The following MTF1 variants were observed in gnomAD, a reference collection of about 807,000 sequenced individuals.
MTF1 encodes the protein MRE-binding transcription factor.
Under a neutral mutation model 70.4 loss-of-function variants are expected in MTF1, and 22 were observed. That is an observed-to-expected ratio of 0.31 (90% CI 0.22 to 0.45). MTF1 has a LOEUF of 0.45. MTF1 is among the 20% of genes least tolerant of loss of function. The probability of loss-of-function intolerance (pLI) is 1.00; values close to 1 mark genes in which losing one functional copy is unlikely to be tolerated. For synonymous variants in MTF1, 333 were observed against 352.8 expected (o/e 0.94, Z 0.63); for missense variants, 649 against 922.0 (o/e 0.70, Z 3.83).
chr1:37,826,117 G>A (rs943826900), intron 7 of MTF1, among the ~76,000 whole-genome samples: 3 of 152,150 alleles, frequency 2.0e-5, no homozygotes, highest in Non-Finnish European at 4.4e-5. Context: ...TTGCCCTAGT[G>A]CCAACATACG....
At chr1:37,842,581 C>G (rs1168015661) in intron 2 of MTF1, among the ~76,000 whole-genome samples, 2 of 152,206 alleles carry the variant, frequency 1.3e-5, no homozygotes, top group African/African-American at 4.8e-5. Flanking sequence ...ATACTTCTTT[C>G]CCTTAACCTC....
Position 37,812,463 on chromosome 1 carries a change from C to T in MTF1, c.*2673G>A, listed in dbSNP as rs1640751971. ...GATAGTCTCTCTTGTAATCTAGAGT[C>T]ACCCTCAAAAGGCAGATACTTCAGC... On this transcript the variant is annotated 3_prime_UTR_variant, in exon 11 of 11. Coordinates refer to ENST00000373036, the MANE Select transcript of MTF1 (RefSeq NM_005955.3). 6.6e-6 allele frequency: 1 copy of T among 152,216 alleles called. No individual in the cohort carries two copies. Among genetic ancestry groups the T allele is most frequent in the Admixed American group, 6.5e-5 (1 of 15,280 alleles). 9.4% of individuals were successfully genotyped at this position (152,216 alleles called of 1,614,324 possible). A position where few individuals can be genotyped will look rare whatever the true frequency, so the allele number is the denominator to read the frequency against.
chr1:37,855,527 T>G (rs890726799), intron 2 of MTF1, among the ~76,000 whole-genome samples: 2 of 152,186 alleles, frequency 1.3e-5, no homozygotes, highest in Non-Finnish European at 2.9e-5. Context: ...CAATAAGCCA[T>G]ATGCAATTTT....
chr1:37,832,467 A>C (rs576746238), intron 6 of MTF1, 145 bp from the exon 7 acceptor site: 1 of 600,730 alleles, frequency 1.7e-6, no homozygotes, highest in East Asian at 2.8e-5. Flanking sequence ...AACCAAAGCA[A>C]GGGCTAAATG....
Position 37,813,815 on chromosome 1 carries a change from G to C in MTF1, c.*1321C>G, listed in dbSNP as rs993742541. The C allele has an allele frequency of 6.5e-6, 1 of 152,712 alleles. No individual in the cohort carries two copies. Among genetic ancestry groups the C allele is most frequent in the South Asian group, 2.1e-4 (1 of 4,830 alleles). 9.5% of individuals were successfully genotyped at this position (152,712 alleles called of 1,614,324 possible). ...TTTTATTTTAAGAGGCAATGACTTGGAGCCAAAGGCAGACATATGGATATA... is the reference window on the plus strand; with the variant it reads ...TTTTATTTTAAGAGGCAATGACTTGCAGCCAAAGGCAGACATATGGATATA... On this transcript the variant is annotated 3_prime_UTR_variant, in exon 11 of 11. Coordinates refer to ENST00000373036, the MANE Select transcript of MTF1 (RefSeq NM_005955.3).
rs1165038604 is a variant in MTF1 at position 37,835,758 on chromosome 1, G to A, written c.780-14C>T. 1.2e-6 allele frequency: 2 copies of A among 1,611,240 alleles called. No homozygotes were observed. Among genetic ancestry groups the A allele is most frequent in the African/African-American group, 2.7e-5 (2 of 74,860 alleles). On this transcript the variant is annotated splice_polypyrimidine_tract_variant and intron_variant, in intron 4 of 10. Transcript: ENST00000373036. ...TCGTGATCGCACCTAAATTTGTTAA[G>A]GAAAGAGAAACAGGAGTCATTAGCT...
intron 5 of MTF1, among the ~76,000 whole-genome samples, chr1:37,835,416 G>C (rs558782848): frequency 2.6e-5 from 4 of 152,254 alleles, no homozygotes; most frequent in African/African-American, 7.2e-5. Context: ...CTACTGCTGG[G>C]AAGTTTAAAG....
Position 37,840,509 on chromosome 1 carries a change from C to T in MTF1, c.409-351G>A. 1 of 467,708 alleles carries T rather than the reference C, an allele frequency of 2.1e-6. No homozygotes were observed. Among genetic ancestry groups the T allele is most frequent in the South Asian group, 1.5e-5 (1 of 64,564 alleles). 29.0% of individuals were successfully genotyped at this position (467,708 alleles called of 1,614,324 possible). Reference sequence around the variant, plus strand: ...ATCTTAACTTTGTTTTAAGGCTTGACTAAACACCCTGACCTCCAGAACTAC... The same window carrying T: ...ATCTTAACTTTGTTTTAAGGCTTGATTAAACACCCTGACCTCCAGAACTAC... On this transcript the variant is annotated intron_variant, in intron 2 of 10. Transcript: ENST00000373036. The surrounding 1 kb of genome is among the most constrained non-coding windows in gnomAD (Gnocchi z 4.5).
chr1:37,840,225 G>A lies in MTF1; in HGVS notation c.409-67C>T. ...GCCCAGGGCTTAACTCCCCCACCCAGAGCTCAGCTCCCAAGAGATGCTGTG... is the reference window on the plus strand; with the variant it reads ...GCCCAGGGCTTAACTCCCCCACCCAAAGCTCAGCTCCCAAGAGATGCTGTG... On this transcript the variant is annotated intron_variant, in intron 2 of 10. Coordinates refer to ENST00000373036, the MANE Select transcript of MTF1 (RefSeq NM_005955.3). The surrounding 1 kb of genome is among the most constrained non-coding windows in gnomAD (Gnocchi z 4.5). The A allele has an allele frequency of 2.8e-6, 4 of 1,406,218 alleles. No individual in the cohort carries two copies. Among genetic ancestry groups the A allele is most frequent in the Non-Finnish European group, 4.0e-6 (4 of 996,682 alleles). The allele number at this position is 1,406,218 out of a possible 1,614,324, so 87.1% of individuals were successfully genotyped here.
chr1:37,829,374 CA>C, intron 7 of MTF1, among the ~76,000 whole-genome samples: 1 of 152,218 alleles, frequency 6.6e-6, no homozygotes, highest in Admixed American at 6.5e-5. Flanking sequence ...CTGTGTTGCC[CA>C]GACTGGTCTC....
chr1:37,855,667 C>T (rs1396117285), intron 2 of MTF1, among the ~76,000 whole-genome samples: 1 of 152,032 alleles, frequency 6.6e-6, no homozygotes, highest in South Asian at 2.1e-4. Flanking sequence ...TGTAATAGTT[C>T]CTGGATGGGC....
chr1:37,822,405 T>C lies in MTF1; in HGVS notation c.1483A>G (p.Ile495Val). 1 of 1,614,144 alleles carries C rather than the reference T, an allele frequency of 6.2e-7. No individual in the cohort carries two copies. Among genetic ancestry groups the C allele is most frequent in the Non-Finnish European group, 8.5e-7 (1 of 1,180,010 alleles). Residue 495 changes from isoleucine (I) to valine (V), a missense_variant, in exon 9 of 11, where the codon ATT becomes GTT. By Grantham distance (29) the Ile-to-Val change is conservative. Coordinates refer to ENST00000373036, the MANE Select transcript of MTF1 (RefSeq NM_005955.3). The stretch of plus-strand genomic sequence containing the variant: ...GCAACAACAGAAAGTCCTGGTACAA[T>C]GGGCTGCGGTGCCTGGGGGTGCGGA... ...FLPHPQAPQP[I>V]VPGLSVVAGA... is the part of the protein sequence containing the mutation.
intron 7 of MTF1, among the ~76,000 whole-genome samples, chr1:37,829,140 C>T: frequency 6.8e-6 from 1 of 147,664 alleles, no homozygotes; most frequent in African/African-American, 2.5e-5. Flanking sequence ...TTTTTTGAGA[C>T]AGGGTCTTGC....
chr1:37,847,149 C>T (rs1641345644), intron 2 of MTF1, among the ~76,000 whole-genome samples: 1 of 152,206 alleles, frequency 6.6e-6, no homozygotes, highest in Admixed American at 6.5e-5. Context: ...AGCTGTTCCC[C>T]ACACCTCAAA....
At chr1:37,857,977 G>A (rs1331476091) in intron 1 of MTF1, among the ~76,000 whole-genome samples, 1 of 143,074 alleles carries the variant, frequency 7.0e-6, no homozygotes, top group Non-Finnish European at 1.5e-5. Flanking sequence ...AGGAGTTTGA[G>A]ATCAGCCTGG....
intron 9 of MTF1, among the ~76,000 whole-genome samples, chr1:37,819,789 T>C (rs2148400629): frequency 6.6e-6 from 1 of 151,858 alleles, no homozygotes. Flanking sequence ...CTGTCTCTAC[T>C]AAAAATACAA....
Position 37,811,514 on chromosome 1 carries a change from G to T in MTF1, c.*3622C>A, listed in dbSNP as rs1007836586. On this transcript the variant is annotated 3_prime_UTR_variant, in exon 11 of 11. Transcript: ENST00000373036. The stretch of plus-strand genomic sequence containing the variant: ...TATATATGTATATATACACACAAAA[G>T]AAATTGCAGCAATCGGGTTAAAGAT... 1 of 152,542 alleles carries T rather than the reference G, an allele frequency of 6.6e-6. No individual in the cohort carries two copies. The highest frequency in any genetic ancestry group is 2.4e-5 in the African/African-American group (1 of 41,462). 9.4% of individuals were successfully genotyped at this position (152,542 alleles called of 1,614,324 possible). A position where few individuals can be genotyped will look rare whatever the true frequency, so the allele number is the denominator to read the frequency against.
At position 37,815,378 on chromosome 1, in the gene MTF1, G is replaced by A. The variant is rs1640799356; in HGVS notation, c.2020C>T (p.Pro674Ser). 6.2e-7 allele frequency: 1 copy of A among 1,614,150 alleles called. No homozygotes were observed. Among genetic ancestry groups the A allele is most frequent in the Non-Finnish European group, 8.5e-7 (1 of 1,180,040 alleles). The change falls in exon 11 of 11, where the codon CCA becomes TCA. Residue 674 changes from proline to serine, a missense_variant. By Grantham distance (74) the Pro-to-Ser change is moderately conservative (BLOSUM62 -1). This residue lies in a region of MTF1 where 138 missense variants were observed against 134.4 expected (regional missense o/e 1.03). Coordinates refer to ENST00000373036, the MANE Select transcript of MTF1 (RefSeq NM_005955.3). This position sits in a 1 kb window ranked among gnomAD's most constrained non-coding sequence, Gnocchi z 4.5. ...GGGGCTGAAGAGAAAGTCTGCGCTG[G>A]GAGCTGCAGGCTGGGCCCATCAGGA... ...QAPDGPSLQLPAQTFSSAPVP... is the reference protein window; with the variant it reads ...QAPDGPSLQLSAQTFSSAPVP...
intron 2 of MTF1, among the ~76,000 whole-genome samples, chr1:37,853,122 A>T (rs1469422172): frequency 1.3e-5 from 2 of 152,188 alleles, no homozygotes; most frequent in Non-Finnish European, 2.9e-5. Flanking sequence ...AGAAGTCTCC[A>T]GTTTTCCTCT....
Sources: gnomAD v4.1 joint callset for allele counts (sites outside exome capture counted in the v4.1 genomes callset) on GRCh38, gnomAD v4.1.1 for gene constraint, gnomAD v4.1.1 regional missense constraint, Gnocchi (gnomAD v3.1) non-coding constraint, MANE v1.5 for transcripts, NCBI Gene and HGNC (gene_info 2026-07-23, HGNC 2026-07-21) for gene names.